MRPS6: variants seen among roughly 807,000 people sequenced by gnomAD.
The protein encoded by MRPS6 is mitochondrial ribosomal protein S6, also known as small ribosomal subunit protein bS6m.
A neutral mutation model predicts 13.1 loss-of-function variants in MRPS6; 6 were observed. The ratio of observed to expected loss-of-function variants is 0.46; its 90% CI spans 0.25 to 0.91. MRPS6 has a LOEUF of 0.91. Among genes scored for constraint, MRPS6 ranks in the 40% least tolerant of loss-of-function variants. MRPS6 has a pLI of 0.18. For missense variants in MRPS6, 164 were observed against 155.6 expected (o/e 1.05, Z -0.29); for synonymous variants, 61 against 56.5 (o/e 1.08, Z -0.36).
At chr21:34,098,907 C>G (rs1434805333) in intron 1 of MRPS6, 2 of 995,480 alleles carry the variant, frequency 2.0e-6, no homozygotes, top group East Asian at 2.3e-4. Flanking sequence ...ATCTCTGATA[C>G]TTTTTAGATT....
chr21:34,127,858 G>A (rs1020125566), intron 2 of MRPS6, among the ~76,000 whole-genome samples: 1 of 152,244 alleles, frequency 6.6e-6, no homozygotes, highest in Non-Finnish European at 1.5e-5. Flanking sequence ...AAGTGGTTGA[G>A]AAGAAACAGT....
chr21:34,102,740 C>T (rs145442773), intron 1 of MRPS6: 3 of 1,000,116 alleles, frequency 3.0e-6, no homozygotes, highest in East Asian at 1.1e-4. Flanking sequence ...TCAGATTTTT[C>T]GTAGTGTGGG....
At chr21:34,077,464 TC>T (rs1371273280) in intron 1 of MRPS6, among the ~76,000 whole-genome samples, 2 of 152,324 alleles carry the variant, frequency 1.3e-5, no homozygotes, top group South Asian at 2.1e-4. Context: ...TTTCCTGAAA[TC>T]TTCTCATTGG....
At chr21:34,098,480 A>G (rs1979075390) in intron 1 of MRPS6, 1 of 1,000,104 alleles carries the variant, frequency 1.0e-6, no homozygotes. Context: ...TTTTCCTCAA[A>G]AGACTTTCCA....
intron 1 of MRPS6, among the ~76,000 whole-genome samples, chr21:34,081,901 G>T (rs1223058459): frequency 6.6e-6 from 1 of 152,084 alleles, no homozygotes; most frequent in Non-Finnish European, 1.5e-5. Context: ...CTGAAATACA[G>T]TTCTTGTTAA....
Position 34,096,602 on chromosome 21 carries a change from A to G in MRPS6, c.45+22857A>G. On this transcript the variant is annotated intron_variant, in intron 1 of 2. Coordinates refer to ENST00000399312, the MANE Select transcript of MRPS6 (RefSeq NM_032476.4). This position sits in a 1 kb window ranked among gnomAD's most constrained non-coding sequence, Gnocchi z 5.9. ...TTTTCTGGAAGCGCTGCAATGAACA[A>G]GGGGCTTTCTATGGTGGAATGGCTG... 1.2e-6 allele frequency: 2 copies of G among 1,614,084 alleles called. No individual in the cohort carries two copies. The highest frequency in any genetic ancestry group is 1.7e-6 in the Non-Finnish European group (2 of 1,179,980).
chr21:34,076,406 T>C (rs1258501958), intron 1 of MRPS6, among the ~76,000 whole-genome samples: 1 of 152,218 alleles, frequency 6.6e-6, no homozygotes, highest in Non-Finnish European at 1.5e-5. Flanking sequence ...GGAATGCCCA[T>C]TGAAAGATTT....
intron 2 of MRPS6, 146 bp from the exon 3 acceptor site, chr21:34,142,262 C>G (rs974732059): frequency 2.0e-5 from 16 of 787,660 alleles, no homozygotes; most frequent in Non-Finnish European, 2.8e-5. Context: ...CTGGTAGTTT[C>G]TATTTTGACA....
rs1978976579 is a variant in MRPS6, at chr21:34,096,648, C to T, written c.45+22903C>T. On this transcript the variant is annotated intron_variant, in intron 1 of 2. Coordinates refer to ENST00000399312, the MANE Select transcript of MRPS6 (RefSeq NM_032476.4). The surrounding 1 kb of genome is among the most constrained non-coding windows in gnomAD (Gnocchi z 5.9). Reference sequence around the variant, plus strand: ...GGCTGGCTTTGTTCTTGGAGCAGTCCGTTTGATACTGGCCTTTGCCTACCG... The same window carrying T: ...GGCTGGCTTTGTTCTTGGAGCAGTCTGTTTGATACTGGCCTTTGCCTACCG... The T allele has an allele frequency of 1.2e-6, 2 of 1,613,960 alleles. No homozygotes were observed. The highest frequency in any genetic ancestry group is 8.5e-7 in the Non-Finnish European group (1 of 1,180,006).
At chr21:34,105,598 G>A (rs1979441354) in intron 1 of MRPS6, 1 of 999,852 alleles carries the variant, frequency 1.0e-6, no homozygotes, top group Admixed American at 6.2e-5. Flanking sequence ...TAGTACACTG[G>A]GGGTGTATAT....
At position 34,125,375 on chromosome 21, in the gene MRPS6, A is replaced by C. The variant is rs754092093; in HGVS notation, c.80A>C (p.Glu27Ala). The C allele has an allele frequency of 1.2e-6, 2 of 1,613,886 alleles. No homozygotes were observed. Among genetic ancestry groups the C allele is most frequent in the African/African-American group, 2.7e-5 (2 of 74,902 alleles). ...ETAATLKRTI[E>A]ALMDRGAIVR... ...GCTGCTACTTTGAAACGTACGATAG[A>C]GGCCCTGATGGACAGAGGAGCAATA... is the stretch of plus-strand genomic sequence containing the variant. The change falls in exon 2 of 3, where the codon GAG becomes GCG. Residue 27 changes from glutamate to alanine, a missense_variant. By Grantham distance (107) the Glu-to-Ala change is moderately radical (BLOSUM62 -1). Transcript: ENST00000399312.
At position 34,136,683 on chromosome 21, in the gene MRPS6, A is replaced by G. The variant is rs140939156; in HGVS notation, c.186-5725A>G. ...AAATTAAGTTTTGAGAGTTATTTGT[A>G]TTCTAGATACAAGTCCTTTATCAGA... On this transcript the variant is annotated intron_variant, in intron 2 of 2. Coordinates refer to ENST00000399312, the MANE Select transcript of MRPS6 (RefSeq NM_032476.4). Among the ~76,000 whole-genome samples the G allele has an allele frequency of 5.2e-3, 785 of 152,268 alleles. 6 individuals carry two copies. Among genetic ancestry groups the G allele is most frequent in the Non-Finnish European group, 8.9e-3 (602 of 68,000 alleles).
intron 2 of MRPS6, among the ~76,000 whole-genome samples, chr21:34,140,397 T>C (rs541673239): frequency 3.3e-5 from 5 of 152,348 alleles, no homozygotes; most frequent in East Asian, 1.9e-4. Flanking sequence ...TATTTAGATA[T>C]CTGTTTAGTT....
chr21:34,129,801 T>A (rs1428481354), intron 2 of MRPS6, among the ~76,000 whole-genome samples: 1 of 152,124 alleles, frequency 6.6e-6, no homozygotes, highest in Non-Finnish European at 1.5e-5. Context: ...CCACACCAGG[T>A]TTTCAGACAG....
chr21:34,112,554 G>A (rs141558194), intron 1 of MRPS6, among the ~76,000 whole-genome samples: 1,547 of 152,118 alleles, frequency 0.01, 17 homozygotes, highest in Non-Finnish European at 0.013. Context: ...ATCATTAGTT[G>A]TCACTCCCCA....
intron 1 of MRPS6, among the ~76,000 whole-genome samples, chr21:34,120,355 C>CTGTA (rs1980076004): frequency 6.6e-6 from 1 of 152,180 alleles, no homozygotes; most frequent in Admixed American, 6.5e-5. Context: ...TTTCATACAG[C>CTGTA]TGTATATTTT....
At chr21:34,098,494 GTACACAGCCTC>G in intron 1 of MRPS6, 1 of 999,972 alleles carries the variant, frequency 1.0e-6, no homozygotes, top group Non-Finnish European at 1.2e-6. Flanking sequence ...CTTTCCATCT[GTACACAGCCTC>G]TACATTTTTG....
intron 1 of MRPS6, chr21:34,099,959 A>T: frequency 2.2e-6 from 1 of 453,636 alleles, no homozygotes; most frequent in Non-Finnish European, 3.0e-6. Context: ...ATATTTCATT[A>T]GAATGATTGT....
chr21:34,096,272 G>C lies in MRPS6; in HGVS notation c.45+22527G>C. 6.2e-7 allele frequency: 1 copy of C among 1,614,138 alleles called. No homozygotes were observed. On this transcript the variant is annotated intron_variant, in intron 1 of 2. Transcript: ENST00000399312. The surrounding 1 kb of genome is among the most constrained non-coding windows in gnomAD (Gnocchi z 5.9). ...CTTACCCACGCCTGGTGATGAAGCT[G>C]GTTCCTGTGGGCCTTCGGGGTTTAA...
Sources: allele counts gnomAD v4.1 joint callset (sites outside exome capture counted in the v4.1 genomes callset), GRCh38; gene constraint gnomAD v4.1.1; non-coding constraint Gnocchi (gnomAD v3.1); transcripts MANE v1.5; gene names NCBI Gene and HGNC (gene_info 2026-07-23, HGNC 2026-07-21).